DNAH10: variants seen among roughly 807,000 people sequenced by gnomAD.
The protein encoded by DNAH10 is dynein axonemal heavy chain 10.
Under a neutral mutation model 506.6 loss-of-function variants are expected in DNAH10, and 348 were observed. That is an observed-to-expected ratio of 0.69 (90% confidence interval 0.63 to 0.75). The LOEUF is 0.75. Among genes scored for constraint, DNAH10 ranks in the 30% least tolerant of loss-of-function variants. The pLI, the probability that DNAH10 is intolerant of heterozygous loss-of-function variation, is 0.00. For synonymous variants in DNAH10, 2,059 were observed against 2,198.6 expected (o/e 0.94, Z 1.78); for missense variants, 5,179 against 5,787.1 (o/e 0.89, Z 3.41).
chr12:123,810,301 G>A (rs1483349677), intron 19 of DNAH10, among the ~76,000 whole-genome samples: 1 of 152,204 alleles, frequency 6.6e-6, no homozygotes, highest in Non-Finnish European at 1.5e-5. Context: ...GGCTTGTTCA[G>A]CAAGTCAGAC....
intron 47 of DNAH10, among the ~76,000 whole-genome samples, chr12:123,875,809 G>A (rs1952232484): frequency 6.6e-6 from 1 of 152,174 alleles, no homozygotes; most frequent in South Asian, 2.1e-4. Context: ...TCAACTAGCA[G>A]GCTGGGGCCC....
intron 21 of DNAH10, among the ~76,000 whole-genome samples, chr12:123,818,226 C>T (rs997781852): frequency 7.9e-5 from 12 of 152,162 alleles, no homozygotes; most frequent in Admixed American, 3.9e-4. Context: ...GGATTACAGA[C>T]GTGAGCTACT....
At chr12:123,847,312 CT>C (rs1416986856) in intron 32 of DNAH10, among the ~76,000 whole-genome samples, 6 of 101,606 alleles carry the variant, frequency 5.9e-5, no homozygotes, top group African/African-American at 3.0e-4. Flanking sequence ...TCTATTTTAT[CT>C]ATCTATCTAT....
chr12:123,892,118 G>A (rs1300227626), intron 52 of DNAH10, among the ~76,000 whole-genome samples: 1 of 152,252 alleles, frequency 6.6e-6, no homozygotes, highest in African/African-American at 2.4e-5. Context: ...CCCAAGCAGT[G>A]TGGGCACAAT....
intron 36 of DNAH10, 134 bp from the exon 37 acceptor site, chr12:123,856,922 T>C: frequency 2.0e-6 from 1 of 494,406 alleles, no homozygotes; most frequent in Non-Finnish European, 3.1e-6. Context: ...ATAAAATTGT[T>C]AAAAATAATA....
In DNAH10 at chr12:123,925,002, A is replaced by T; in HGVS notation, c.11767-48A>T. The T allele has an allele frequency of 6.2e-7, 1 of 1,606,584 alleles. No individual in the cohort carries two copies. The highest frequency in any genetic ancestry group is 1.1e-5 in the South Asian group (1 of 90,008). ...CACCTTCACACATAAATGGGGACCTATGTCATTTCTGAGTTGACGCACAAT... is the reference window on the plus strand; with the variant it reads ...CACCTTCACACATAAATGGGGACCTTTGTCATTTCTGAGTTGACGCACAAT... On this transcript the variant is annotated intron_variant, in intron 67 of 78. Transcript: ENST00000673944. The surrounding 1 kb of genome is among the most constrained non-coding windows in gnomAD (Gnocchi z 4.0).
rs1180029040 is a variant in DNAH10, at chr12:123,789,984, C to T, written c.1678C>T (p.Pro560Ser). The T allele has an allele frequency of 1.9e-6, 3 of 1,613,866 alleles. No homozygotes were observed. Among genetic ancestry groups the T allele is most frequent in the Non-Finnish European group, 2.5e-6 (3 of 1,179,994 alleles). ...GPELKAVTGD[P>S]KRIDDVLCRV... is the part of the protein sequence containing the mutation. ...AGAACTAAAGGCAGTGACGGGGGAC[C>T]CCAAGCGCATTGATGATGTCCTATG... The change falls in exon 11 of 79, where the codon CCC (proline) becomes TCC (serine). Residue 560 changes from proline (P) to serine (S), a missense_variant. Pro to Ser is a moderately conservative substitution (Grantham distance 74). Transcript: ENST00000673944.
At chr12:123,781,468 C>T (rs1324988081) in intron 6 of DNAH10, among the ~76,000 whole-genome samples, 169 bp downstream of exon 6, 2 of 151,966 alleles carry the variant, frequency 1.3e-5, no homozygotes, top group Non-Finnish European at 2.9e-5. Context: ...CATTTTAGCA[C>T]AGGATTTTTT....
rs1957838273 is a variant in DNAH10 at position 123,786,016 on chromosome 12, C to G, written c.1421+80C>G. 2.9e-6 allele frequency: 4 copies of G among 1,379,864 alleles called. No individual in the cohort carries two copies. In the South Asian group the frequency reaches 4.2e-5, roughly 14 times the overall value. The allele number at this position is 1,379,864 out of a possible 1,614,324, so 85.5% of individuals were successfully genotyped here. On this transcript the variant is annotated intron_variant, in intron 9 of 78. Transcript: ENST00000673944. ...TTAGATCTTAAACAGCTCTATTGAGCTATAATTCACATATAATTCTCTTAC... is the reference window on the plus strand; with the variant it reads ...TTAGATCTTAAACAGCTCTATTGAGGTATAATTCACATATAATTCTCTTAC...
intron 57 of DNAH10, chr12:123,908,297 T>A (rs1447398859): frequency 4.4e-6 from 2 of 455,506 alleles, no homozygotes; most frequent in Middle Eastern, 3.3e-4. Context: ...TGTCTCCCCC[T>A]CTGTCCCTCC....
rs553910846 is a variant in DNAH10, at chr12:123,838,844, G to C, written c.5136+155G>C. 1.2e-4 allele frequency among the ~76,000 whole-genome samples: 19 copies of C among 152,216 alleles called. No homozygotes were observed. In the East Asian group the frequency reaches 3.5e-3, roughly 28 times the overall value. On this transcript the variant is annotated intron_variant, in intron 29 of 78. Transcript: ENST00000673944. Reference sequence around the variant, plus strand: ...GGTTTGTTTTTTGAGACAGGGTCTGGCTCTGTTGCCCAGGCTGGAGCGCAG... The same window carrying C: ...GGTTTGTTTTTTGAGACAGGGTCTGCCTCTGTTGCCCAGGCTGGAGCGCAG...
chr12:123,809,618 C>A (rs1478660919), intron 19 of DNAH10, among the ~76,000 whole-genome samples: 1 of 151,046 alleles, frequency 6.6e-6, no homozygotes, highest in Non-Finnish European at 1.5e-5. Flanking sequence ...CACTGCACTC[C>A]AGCCTGGGCA....
chr12:123,893,005 C>T (rs1566059136), intron 52 of DNAH10, among the ~76,000 whole-genome samples: 1 of 152,194 alleles, frequency 6.6e-6, no homozygotes, highest in Non-Finnish European at 1.5e-5. Context: ...GGTCATCCTC[C>T]CAGGCGAGCT....
intron 14 of DNAH10, 139 bp from the exon 15 acceptor site, chr12:123,800,077 C>T: frequency 1.5e-6 from 1 of 659,356 alleles, no homozygotes; most frequent in Non-Finnish European, 2.4e-6. Context: ...ATACATATTC[C>T]AGCCAGTTCC....
At position 123,877,881 on chromosome 12, in the gene DNAH10, A is replaced by G. The variant is rs369417512; in HGVS notation, c.8345A>G (p.Asn2782Ser). 1.3e-5 allele frequency: 21 copies of G among 1,613,886 alleles called. No individual in the cohort carries two copies. Among genetic ancestry groups the G allele is most frequent in the Admixed American group, 1.7e-5 (1 of 59,998 alleles). ...CTTCGAGATCTCTCACGGGTTTTTA[A>G]TGGTCTTGTCCTCACTAACCCGGAG... Reference protein sequence around the residue: ...FNLRDLSRVFNGLVLTNPERF... With the variant: ...FNLRDLSRVFSGLVLTNPERF... Residue 2782 changes from asparagine (N) to serine (S), a missense_variant, in exon 48 of 79, where the codon AAT becomes AGT. Around this residue, in one of 3 missense-constraint regions of DNAH10, gnomAD observed 4,844 missense variants for 5,430.5 expected, o/e 0.89. Transcript: ENST00000673944.
Position 123,864,454 on chromosome 12 carries a change from G to A in DNAH10, c.6909-141G>A, listed in dbSNP as rs1385938229. 4 of 1,151,122 alleles carry A rather than the reference G, an allele frequency of 3.5e-6. No individual in the cohort carries two copies. The African/African-American group carries it at 6.3e-5, about 18-fold the overall frequency. 71.3% of individuals were successfully genotyped at this position (1,151,122 alleles called of 1,614,324 possible). A position where few individuals can be genotyped will look rare whatever the true frequency, so the allele number is the denominator to read the frequency against. On this transcript the variant is annotated intron_variant, in intron 39 of 78. Transcript: ENST00000673944. ...ATGTACCATTTCAGTCAAACCTCTG[G>A]GCCAACTAGGGTGCTCTGTCTCAGA...
chr12:123,815,512 C>T (rs1020318465), intron 21 of DNAH10, among the ~76,000 whole-genome samples: 3 of 152,002 alleles, frequency 2.0e-5, no homozygotes, highest in African/African-American at 7.3e-5. Flanking sequence ...CTTTTTCTCA[C>T]CTTATGACTC....
At chr12:123,829,653 A>AC (rs1272267261) in intron 25 of DNAH10, among the ~76,000 whole-genome samples, 2 of 152,174 alleles carry the variant, frequency 1.3e-5, no homozygotes, top group East Asian at 1.9e-4. Context: ...GTGCTAGGCC[A>AC]GGGGGTTCAG....
chr12:123,771,765 G>T (rs1331877434), intron 3 of DNAH10, 67 bp downstream of exon 3: 1 of 1,315,412 alleles, frequency 7.6e-7, no homozygotes, highest in Non-Finnish European at 1.1e-6. Flanking sequence ...AGGATTCAGG[G>T]TAACTGACAT....
Sources: allele counts gnomAD v4.1 joint callset (sites outside exome capture counted in the v4.1 genomes callset), GRCh38; gene constraint gnomAD v4.1.1; regional missense constraint gnomAD v4.1.1; non-coding constraint Gnocchi (gnomAD v3.1); transcripts MANE v1.5; gene names NCBI Gene and HGNC (gene_info 2026-07-23, HGNC 2026-07-21).